Variants in SOD2 observed in about 807,000 individuals in gnomAD.
SOD2 encodes superoxide dismutase 2, also known as superoxide dismutase [Mn], mitochondrial.
In SOD2, 11 loss-of-function variants were observed where a neutral mutation model predicts 27.0. The observed-to-expected ratio is 0.41, with a 90% CI of 0.26 to 0.67. The LOEUF is 0.67. SOD2 is among the 30% of genes least tolerant of loss of function. The probability of loss-of-function intolerance (pLI) is 0.34; values close to 1 mark genes in which losing one functional copy is unlikely to be tolerated. For synonymous variants in SOD2, 105 were observed against 103.0 expected (o/e 1.02, Z -0.12); for missense variants, 250 against 274.5 (o/e 0.91, Z 0.63).
chr6:159,694,823 C>G (rs1413491196), upstream of SOD2, among the ~76,000 whole-genome samples: 1 of 150,272 alleles, frequency 6.7e-6, no homozygotes, highest in African/African-American at 2.5e-5. Flanking sequence ...AGGATGGTCT[C>G]GAACGCCTGA....
At chr6:159,753,841 A>G (rs771277515) in intron 1 of SOD2, among the ~76,000 whole-genome samples, 1 of 152,098 alleles carries the variant, frequency 6.6e-6, no homozygotes, top group Non-Finnish European at 1.5e-5. Flanking sequence ...AATTTCTTAC[A>G]TTTTTGTTTT....
chr6:159,727,436 G>A, upstream of SOD2: 1 of 1,162,770 alleles, frequency 8.6e-7, no homozygotes, highest in South Asian at 1.6e-5. Context: ...CGTTCGGACC[G>A]GCTGTGGGGC....
rs1021226816 is a variant in SOD2 at position 159,677,536 on chromosome 6, C to T, written c.*4957G>A. The T allele has an allele frequency of 7.9e-5, 12 of 152,134 alleles. No homozygotes were observed. 9.4% of individuals were successfully genotyped at this position (152,134 alleles called of 1,614,324 possible). On this transcript the variant is annotated 3_prime_UTR_variant, in exon 5 of 5. Coordinates refer to ENST00000538183, the MANE Select transcript of SOD2 (RefSeq NM_000636.4). ...TGACCAGAGTAAAATATCACCAGAA[C>T]TTTATGTAAAATACATCTTGTAAAA...
At chr6:159,727,873 A>T (rs756719316), upstream of SOD2, among the ~76,000 whole-genome samples, 7 of 152,190 alleles carry the variant, frequency 4.6e-5, no homozygotes, top group Non-Finnish European at 5.9e-5. Flanking sequence ...TGCGGGGAAC[A>T]CTTCCGCCGC....
At chr6:159,743,975 T>C in intron 1 of SOD2, among the ~76,000 whole-genome samples, 1 of 152,204 alleles carries the variant, frequency 6.6e-6, no homozygotes. Flanking sequence ...AGACTGTTTT[T>C]TGTGGCCAAG....
chr6:159,753,329 T>A, intron 1 of SOD2: 10 of 1,250,398 alleles, frequency 8.0e-6, no homozygotes, highest in Non-Finnish European at 1.1e-5. Flanking sequence ...GAAAAGAAGA[T>A]GGTAATTATG....
Position 159,708,866 on chromosome 6 carries a change from T to C in SOD2, c.-115-16003A>G, listed in dbSNP as rs1447686067. 2.0e-5 allele frequency among the ~76,000 whole-genome samples: 3 copies of C among 149,244 alleles called. No homozygotes were observed. The South Asian group carries it at 6.2e-4, about 31-fold the overall frequency. The stretch of plus-strand genomic sequence containing the variant: ...GAGGCATCACGCTGACTTCAAACTA[T>C]ACTACAAGACTACAGTAACCAAAAC... On this transcript the variant is annotated intron_variant, in intron 1 of 2. Transcript: ENST00000401980.
intron 1 of SOD2, among the ~76,000 whole-genome samples, chr6:159,708,399 C>A (rs568800529): frequency 8.1e-4 from 124 of 152,312 alleles, no homozygotes; most frequent in African/African-American, 2.8e-3. Flanking sequence ...TCTCCTTAAG[C>A]TGATAAGCAA....
intron 1 of SOD2, among the ~76,000 whole-genome samples, chr6:159,754,818 C>G (rs1779945344): frequency 2.0e-5 from 3 of 152,094 alleles, no homozygotes; most frequent in Admixed American, 2.0e-4. Context: ...GGAGGGCCAA[C>G]TGTATATTAT....
intron 1 of SOD2, among the ~76,000 whole-genome samples, chr6:159,715,398 G>C (rs1777907038): frequency 6.6e-6 from 1 of 152,124 alleles, no homozygotes; most frequent in African/African-American, 2.4e-5. Context: ...CAGAAGAATG[G>C]ATTTACAGTT....
intron 1 of SOD2, chr6:159,727,044 G>C: frequency 3.7e-5 from 45 of 1,224,526 alleles, no homozygotes; most frequent in Non-Finnish European, 4.6e-5. Context: ...GCCCCGGCGA[G>C]TACTTCCACC....
rs561679715 is a variant in SOD2, at chr6:159,669,186, G to C, written c.*13307C>G. 1 of 152,296 alleles carries C rather than the reference G, an allele frequency of 6.6e-6. No individual in the cohort carries two copies. The highest frequency in any genetic ancestry group is 2.1e-4 in the South Asian group (1 of 4,828). The allele number at this position is 152,296 out of a possible 1,614,324, so 9.4% of individuals were successfully genotyped here. ...CGTTCTGTCGGAATTATCATGCACT[G>C]TGGTGGAAAGAACACTAAGGCAGGA... On this transcript the variant is annotated 3_prime_UTR_variant, in exon 5 of 5. Transcript: ENST00000538183.
intron 1 of SOD2, chr6:159,742,256 TATA>T: frequency 1.1e-6 from 1 of 912,054 alleles, no homozygotes; most frequent in Non-Finnish European, 1.7e-6. Flanking sequence ...CGTGTTTTAT[TATA>T]AGAACTGTAC....
chr6:159,721,475 TCTC>T, intron 1 of SOD2, among the ~76,000 whole-genome samples: 1 of 152,162 alleles, frequency 6.6e-6, no homozygotes, highest in South Asian at 2.1e-4. Context: ...TTCAAGCAAT[TCTC>T]CTGCCTCAGC....
At chr6:159,737,185 G>C (rs1778973157) in intron 1 of SOD2, among the ~76,000 whole-genome samples, 1 of 151,922 alleles carries the variant, frequency 6.6e-6, no homozygotes, top group Non-Finnish European at 1.5e-5. Context: ...GTATCTGGGG[G>C]CTACAAGTAC....
upstream of SOD2, chr6:159,727,379 G>GAGGGGGGAGGCGGGAGGCGA: frequency 8.9e-7 from 1 of 1,128,338 alleles, no homozygotes; most frequent in Non-Finnish European, 1.1e-6. Flanking sequence ...GAGGCTGGCG[G>GAGGGGGGAGGCGGGAGGCGA]GAGGCGGGAG....
chr6:159,727,042 G>A, intron 1 of SOD2: 11 of 1,226,126 alleles, frequency 9.0e-6, no homozygotes, highest in South Asian at 2.8e-5. Flanking sequence ...TGGCCCCGGC[G>A]AGTACTTCCA....
chr6:159,753,412 C>G, intron 1 of SOD2: 1 of 1,613,348 alleles, frequency 6.2e-7, no homozygotes, highest in African/African-American at 1.3e-5. Flanking sequence ...TAAGCAAAGA[C>G]AGAGAGTTTT....
At position 159,739,076 on chromosome 6, in the gene SOD2, T is replaced by C. The variant is rs527263985; in HGVS notation, c.-116+6054A>G. On this transcript the variant is annotated intron_variant, in intron 1 of 3. Coordinates refer to the SOD2 transcript ENST00000537657. Reference sequence around the variant, plus strand: ...ATGTTCTCTGTTCAAAAACAAAGTCTTTCTATAGAACATTATATTGTGACT... The same window carrying C: ...ATGTTCTCTGTTCAAAAACAAAGTCCTTCTATAGAACATTATATTGTGACT... The C allele has an allele frequency of 8.5e-5, 132 of 1,557,018 alleles. 2 individuals carry two copies. In the Admixed American group the frequency reaches 2.0e-3, roughly 24 times the overall value.
Sources: gnomAD v4.1 joint callset for allele counts (sites outside exome capture counted in the v4.1 genomes callset) on GRCh38, gnomAD v4.1.1 for gene constraint, MANE v1.5 for transcripts, NCBI Gene and HGNC (gene_info 2026-07-23, HGNC 2026-07-21) for gene names.